SMCHD1: variants seen among roughly 807,000 people sequenced by gnomAD.
The protein encoded by SMCHD1 is structural maintenance of chromosomes flexible hinge domain containing 1, also known as structural maintenance of chromosomes flexible hinge domain-containing protein 1.
SMCHD1 carries 78 observed loss-of-function variants against 254.7 expected under a neutral mutation model. The observed-to-expected ratio is 0.31, with a 90% CI of 0.26 to 0.37. The LOEUF is 0.37. Ranked by LOEUF, SMCHD1 falls within the 10% of genes least tolerant of loss-of-function variation. SMCHD1 has a pLI of 1.00. For synonymous variants in SMCHD1, 766 were observed against 794.9 expected (o/e 0.96, Z 0.61); for missense variants, 1,840 against 2,408.1 (o/e 0.76, Z 4.94).
Position 2,674,051 on chromosome 18 carries a change from G to A in SMCHD1, c.544G>A (p.Val182Met), listed in dbSNP as rs1435114726. ...AACACAAGGAAAACCTGCTGTTGCA[G>A]TGATAGATAATGGAAGAGGAATGAC... ...DETQGKPAVA[V>M]IDNGRGMTSK... Residue 182 changes from valine to methionine, a missense_variant, in exon 5 of 48, where the codon GTG becomes ATG. This residue lies in a region of SMCHD1 where 498 missense variants were observed against 743.5 expected (regional missense o/e 0.67). Transcript: ENST00000320876. The A allele has an allele frequency of 2.5e-5, 40 of 1,598,572 alleles. No individual in the cohort carries two copies. The highest frequency in any genetic ancestry group is 3.4e-5 in the Non-Finnish European group (40 of 1,171,792).
At chr18:2,677,437 T>A (rs575067140) in intron 5 of SMCHD1, among the ~76,000 whole-genome samples, 1 of 152,206 alleles carries the variant, frequency 6.6e-6, no homozygotes, top group African/African-American at 2.4e-5. Flanking sequence ...ATTGAATTTA[T>A]CTTTTATGGA....
intron 47 of SMCHD1, 43 bp downstream of exon 47, chr18:2,796,564 A>C: frequency 7.6e-7 from 1 of 1,314,264 alleles, no homozygotes; most frequent in Non-Finnish European, 1.1e-6. Context: ...TTAGTTTACC[A>C]AAGTTCTTGG....
intron 8 of SMCHD1, among the ~76,000 whole-genome samples, chr18:2,695,454 C>T (rs79590513): frequency 0.2 from 31,055 of 151,706 alleles, 3,410 homozygotes; most frequent in South Asian, 0.33. Flanking sequence ...GGATTACAGG[C>T]GCGTGCCACC....
intron 37 of SMCHD1, among the ~76,000 whole-genome samples, chr18:2,768,099 TAATTA>T (rs2075903151): frequency 6.6e-6 from 1 of 151,992 alleles, no homozygotes; most frequent in African/African-American, 2.4e-5. Context: ...TAGATACATA[TAATTA>T]AAGGACTGAT....
intron 29 of SMCHD1, among the ~76,000 whole-genome samples, chr18:2,746,268 T>G (rs534826688): frequency 1.3e-5 from 2 of 152,378 alleles, no homozygotes; most frequent in South Asian, 4.1e-4. Flanking sequence ...TTAAAATGCT[T>G]ATGGACATTT....
At chr18:2,666,791 A>AATTTGTAT (rs2073452647) in intron 2 of SMCHD1, 79 bp from the exon 3 acceptor site, 1 of 1,164,108 alleles carries the variant, frequency 8.6e-7, no homozygotes, top group Non-Finnish European at 1.2e-6. Flanking sequence ...TCATAGATAG[A>AATTTGTAT]ATTTGTATAT....
At chr18:2,754,297 T>C (rs2075631336) in intron 34 of SMCHD1, among the ~76,000 whole-genome samples, 1 of 152,234 alleles carries the variant, frequency 6.6e-6, no homozygotes. Context: ...CCAGGTTTGA[T>C]GATTCACCAG....
At chr18:2,658,441 TTGC>T (rs1399833732) in intron 1 of SMCHD1, among the ~76,000 whole-genome samples, 11 of 152,236 alleles carry the variant, frequency 7.2e-5, no homozygotes, top group African/African-American at 2.4e-4. Flanking sequence ...ATGGCATTCT[TTGC>T]TGTAGGGAAC....
At chr18:2,702,261 G>A (rs2584205) in intron 12 of SMCHD1, 88,312 of 145,978 alleles carry the variant, frequency 0.6, 29,148 homozygotes, top group Non-Finnish European at 0.73. Flanking sequence ...CAAGACCAGC[G>A]TGTGCAATAC....
chr18:2,699,146 A>C (rs1010243140), intron 10 of SMCHD1, among the ~76,000 whole-genome samples: 1 of 152,092 alleles, frequency 6.6e-6, no homozygotes, highest in Non-Finnish European at 1.5e-5. Flanking sequence ...CATCTTTGCC[A>C]CTTTCTGTTG....
intron 39 of SMCHD1, among the ~76,000 whole-genome samples, chr18:2,771,028 T>C (rs2075974888): frequency 6.6e-6 from 1 of 152,232 alleles, no homozygotes; most frequent in Non-Finnish European, 1.5e-5. Context: ...ATTTTTTTGC[T>C]AAGGTTTTTG....
chr18:2,775,742 T>A lies in SMCHD1; in HGVS notation c.5184T>A (p.His1728Gln). The change falls in exon 42 of 48, where the codon CAT becomes CAA. Residue 1728 changes from histidine to glutamine, a missense_variant. His to Gln is a conservative substitution (Grantham distance 24). Transcript: ENST00000320876. ...ATGAAAATGGGTTATAGATTGCACA[T>A]CTAGCACAAATTGAAGATGATAGAG... ...GSGDVLGKIAHLAQIEDDRAA... is the reference protein window; with the variant it reads ...GSGDVLGKIAQLAQIEDDRAA... 1 of 1,610,738 alleles carries A rather than the reference T, an allele frequency of 6.2e-7. No individual in the cohort carries two copies. Among genetic ancestry groups the A allele is most frequent in the Non-Finnish European group, 8.5e-7 (1 of 1,178,424 alleles).
At chr18:2,656,401 C>T in intron 1 of SMCHD1, 140 bp downstream of exon 1, 1 of 808,818 alleles carries the variant, frequency 1.2e-6, no homozygotes, top group Non-Finnish European at 1.7e-6. Context: ...TCCCGTGTGC[C>T]CGCCATGTCC....
At position 2,752,587 on chromosome 18, in the gene SMCHD1, A is replaced by G. The variant is rs777331948; in HGVS notation, c.4346+35A>G. 3 of 1,367,164 alleles carry G rather than the reference A, an allele frequency of 2.2e-6. No homozygotes were observed. In the African/African-American group the frequency reaches 4.3e-5, roughly 20 times the overall value. 84.7% of individuals were successfully genotyped at this position (1,367,164 alleles called of 1,614,324 possible). A position where few individuals can be genotyped will look rare whatever the true frequency, so the allele number is the denominator to read the frequency against. ...AAAACATTTCATATTTTGAATACAT[A>G]TCTTGTTACAAAGTAATTCAACCCT... On this transcript the variant is annotated intron_variant, in intron 34 of 47. Transcript: ENST00000320876.
In SMCHD1 at chr18:2,784,511, A is replaced by G; in HGVS notation, c.5609A>G (p.Asn1870Ser). 2 of 1,613,184 alleles carry G rather than the reference A, an allele frequency of 1.2e-6. No homozygotes were observed. Among genetic ancestry groups the G allele is most frequent in the Non-Finnish European group, 1.7e-6 (2 of 1,179,548 alleles). ...LTRDGDRIRS[N>S]GKFGGLQNKA... ...AGAGATGGAGATCGAATTCGAAGTA[A>G]TGGAAAGTTTGGGGGCCTTCAGAAT... is the stretch of plus-strand genomic sequence containing the variant. Residue 1870 changes from asparagine (N) to serine (S), a missense_variant, in exon 45 of 48, where the codon AAT (asparagine) becomes AGT (serine). Around this residue, in one of 9 missense-constraint regions of SMCHD1, gnomAD observed 114 missense variants for 217.6 expected, o/e 0.52. Coordinates refer to ENST00000320876, the MANE Select transcript of SMCHD1 (RefSeq NM_015295.3).
intron 5 of SMCHD1, among the ~76,000 whole-genome samples, chr18:2,684,432 T>A (rs934800985): frequency 5.9e-5 from 9 of 152,180 alleles, no homozygotes; most frequent in African/African-American, 9.6e-5. Context: ...ATTCTAGCTT[T>A]CTTTTCATTA....
At chr18:2,753,864 A>T (rs759059002) in intron 34 of SMCHD1, among the ~76,000 whole-genome samples, 2 of 152,068 alleles carry the variant, frequency 1.3e-5, no homozygotes, top group African/African-American at 4.8e-5. Flanking sequence ...GCCCTTCCCA[A>T]CACGGTTTTG....
In SMCHD1 at chr18:2,694,643, A is replaced by G. The variant is rs1001785728; in HGVS notation, c.990A>G (p.Glu330=). 2 of 1,613,534 alleles carry G rather than the reference A, an allele frequency of 1.2e-6. No individual in the cohort carries two copies. The highest frequency in any genetic ancestry group is 1.7e-5 in the Admixed American group (1 of 59,988). Residue 330 remains glutamate, a synonymous_variant, in exon 8 of 48, where the codon GAA becomes GAG. Transcript: ENST00000320876. ...TGGTTATCACAGGGGTACAACCAGA[A>G]CACATACAGTACTTGAAAAATTATT... ...TAVVITGVQP[E]HIQYLKNYFH... is the part of the protein sequence containing the mutation.
chr18:2,684,005 T>G (rs1261402491), intron 5 of SMCHD1, among the ~76,000 whole-genome samples: 1 of 152,176 alleles, frequency 6.6e-6, no homozygotes, highest in African/African-American at 2.4e-5. Context: ...TATTATTACA[T>G]TTAATGTAAT....
Sources: gnomAD v4.1 joint callset for allele counts (sites outside exome capture counted in the v4.1 genomes callset) on GRCh38, gnomAD v4.1.1 for gene constraint, gnomAD v4.1.1 regional missense constraint, MANE v1.5 for transcripts, NCBI Gene and HGNC (gene_info 2026-07-23, HGNC 2026-07-21) for gene names.